FBXL17: variants seen among roughly 807,000 people sequenced by gnomAD.
FBXL17 encodes F-box and leucine rich repeat protein 17, also known as F-box/LRR-repeat protein 17.
FBXL17 carries 22 observed loss-of-function variants against 66.2 expected under a neutral mutation model. The ratio of observed to expected loss-of-function variants is 0.33; its 90% CI spans 0.24 to 0.47. FBXL17 has a LOEUF of 0.47. Ranked by LOEUF, FBXL17 falls within the 20% of genes least tolerant of loss-of-function variation. The pLI, the probability that FBXL17 is intolerant of heterozygous loss-of-function variation, is 1.00. For synonymous variants in FBXL17, 474 were observed against 400.5 expected (o/e 1.18, Z -2.19); for missense variants, 878 against 948.2 (o/e 0.93, Z 0.97).
In FBXL17 at chr5:108,246,841, AATC is replaced by A. The variant is rs554395592; in HGVS notation, c.1507-22616_1507-22614del. On this transcript the variant is annotated intron_variant, in intron 4 of 8. Coordinates refer to ENST00000542267, the MANE Select transcript of FBXL17 (RefSeq NM_001163315.3). ...TTTCAGAATTTCATTTAAGAAACAA[AATC>A]ATCAAGAAAAGCATATATTTGCTCA... 4.7e-4 allele frequency among the ~76,000 whole-genome samples: 72 copies of A among 152,362 alleles called. No homozygotes were observed. In the South Asian group the frequency reaches 0.015, roughly 31 times the overall value.
chr5:108,133,613 G>A (rs530271383), intron 6 of FBXL17, among the ~76,000 whole-genome samples: 1 of 151,958 alleles, frequency 6.6e-6, no homozygotes, highest in East Asian at 1.9e-4. Flanking sequence ...GAGATCTGCT[G>A]GAAGAGAGAA....
chr5:108,022,147 A>C (rs1448506378), intron 6 of FBXL17, among the ~76,000 whole-genome samples: 1 of 151,900 alleles, frequency 6.6e-6, no homozygotes, highest in African/African-American at 2.4e-5. Flanking sequence ...ATGGAATGAT[A>C]AACATTTCAA....
chr5:108,145,055 A>G (rs909997561), intron 6 of FBXL17, among the ~76,000 whole-genome samples: 23 of 152,164 alleles, frequency 1.5e-4, no homozygotes, highest in African/African-American at 5.5e-4. Context: ...AAGTAGAGAA[A>G]GCAGTTGCTT....
chr5:108,025,724 C>T (rs1365344277), intron 6 of FBXL17, among the ~76,000 whole-genome samples: 1 of 123,264 alleles, frequency 8.1e-6, no homozygotes, highest in Middle Eastern at 4.1e-3. Context: ...CACACGCGCG[C>T]GCGCACACAC....
At chr5:108,275,042 G>C (rs1757428820) in intron 4 of FBXL17, among the ~76,000 whole-genome samples, 1 of 152,156 alleles carries the variant, frequency 6.6e-6, no homozygotes, top group Non-Finnish European at 1.5e-5. Flanking sequence ...CCAAAACAGA[G>C]TTCCTTACCA....
At chr5:108,101,901 A>G (rs1232555824) in intron 6 of FBXL17, among the ~76,000 whole-genome samples, 1 of 152,240 alleles carries the variant, frequency 6.6e-6, no homozygotes, top group African/African-American at 2.4e-5. Flanking sequence ...CAAAAAGTTC[A>G]AAGTAGACAT....
At position 108,191,827 on chromosome 5, in the gene FBXL17, A is replaced by G. The variant is rs1415055516; in HGVS notation, c.1615-5580T>C. ...CACTCTTCCAGTGGAGCACAAATGT[A>G]TACATGAAGAAACAGGTTTACTTGA... On this transcript the variant is annotated intron_variant, in intron 5 of 8. Transcript: ENST00000542267. Among the ~76,000 whole-genome samples, 5 of 152,210 alleles carry G rather than the reference A, an allele frequency of 3.3e-5. 1 individual carries two copies. The highest frequency in any genetic ancestry group is 4.1e-4 in the South Asian group (2 of 4,834).
intron 8 of FBXL17, among the ~76,000 whole-genome samples, chr5:107,867,226 G>A (rs1315875657): frequency 3.3e-5 from 5 of 152,098 alleles, no homozygotes; most frequent in African/African-American, 1.2e-4. Context: ...TTTTCCATCT[G>A]ACATCACCAG....
intron 3 of FBXL17, among the ~76,000 whole-genome samples, chr5:108,349,193 A>C (rs1350606570): frequency 6.6e-6 from 1 of 152,330 alleles, no homozygotes; most frequent in African/African-American, 2.4e-5. Context: ...TTATACAACC[A>C]CTACAATTGG....
chr5:107,946,383 C>A (rs1250601390), intron 7 of FBXL17, among the ~76,000 whole-genome samples: 1 of 141,556 alleles, frequency 7.1e-6, no homozygotes, highest in Non-Finnish European at 1.5e-5. Flanking sequence ...CAGCTTCAAA[C>A]TCCTTGGCTT....
intron 6 of FBXL17, among the ~76,000 whole-genome samples, chr5:108,048,843 A>G (rs1747360959): frequency 6.6e-6 from 1 of 152,142 alleles, no homozygotes; most frequent in Non-Finnish European, 1.5e-5. Context: ...TGGAGTACCT[A>G]AAGGAGATGA....
intron 6 of FBXL17, among the ~76,000 whole-genome samples, chr5:108,087,219 T>A (rs1233711401): frequency 6.6e-6 from 1 of 152,204 alleles, no homozygotes. Flanking sequence ...ACTTGTAACA[T>A]AAAAGATCCA....
At chr5:108,114,272 GCTTACT>G (rs1209592802) in intron 6 of FBXL17, among the ~76,000 whole-genome samples, 2 of 152,026 alleles carry the variant, frequency 1.3e-5, no homozygotes, top group Non-Finnish European at 2.9e-5. Flanking sequence ...GTAACCATTT[GCTTACT>G]CTTAAAGTAC....
Position 108,247,257 on chromosome 5 carries a change from T to C in FBXL17, c.1507-23029A>G, listed in dbSNP as rs780002281. Reference sequence around the variant, plus strand: ...CATTTGGTTCTACATAAAACGAAGATAGAGGATACAAAAGGAGAGCCTTTC... The same window carrying C: ...CATTTGGTTCTACATAAAACGAAGACAGAGGATACAAAAGGAGAGCCTTTC... On this transcript the variant is annotated intron_variant, in intron 4 of 8. Coordinates refer to ENST00000542267, the MANE Select transcript of FBXL17 (RefSeq NM_001163315.3). Among the ~76,000 whole-genome samples, 22 of 151,776 alleles carry C rather than the reference T, an allele frequency of 1.4e-4. 1 individual carries two copies. Among genetic ancestry groups the C allele is most frequent in the Admixed American group, 9.2e-4 (14 of 15,258 alleles).
intron 5 of FBXL17, among the ~76,000 whole-genome samples, chr5:108,197,576 A>G (rs1423515422): frequency 1.3e-5 from 2 of 152,156 alleles, no homozygotes; most frequent in African/African-American, 4.8e-5. Flanking sequence ...TTAGCCCAAG[A>G]CGAAAGCTTA....
intron 6 of FBXL17, among the ~76,000 whole-genome samples, chr5:108,138,947 C>T (rs1259143730): frequency 2.6e-5 from 4 of 152,154 alleles, no homozygotes; most frequent in African/African-American, 9.7e-5. Context: ...TAAGAATTGC[C>T]TCAGATTTAG....
At chr5:108,126,625 C>CTG (rs1157961457) in intron 6 of FBXL17, among the ~76,000 whole-genome samples, 2 of 69,738 alleles carry the variant, frequency 2.9e-5, no homozygotes, top group Admixed American at 1.4e-4. Context: ...ATCTCTCTGT[C>CTG]TCTCTGTCTC....
intron 7 of FBXL17, among the ~76,000 whole-genome samples, chr5:107,945,036 T>A (rs1441489690): frequency 1.3e-5 from 2 of 151,416 alleles, no homozygotes; most frequent in East Asian, 3.8e-4. Flanking sequence ...AAGATTAGCA[T>A]CCAGACTGTC....
At chr5:107,908,160 T>C (rs907702154) in intron 7 of FBXL17, among the ~76,000 whole-genome samples, 7 of 152,078 alleles carry the variant, frequency 4.6e-5, no homozygotes, top group African/African-American at 1.7e-4. Flanking sequence ...ATGGATGAAA[T>C]TGGAAATCAT....
Sources: gnomAD v4.1 joint callset for allele counts (sites outside exome capture counted in the v4.1 genomes callset) on GRCh38, gnomAD v4.1.1 for gene constraint, MANE v1.5 for transcripts, NCBI Gene and HGNC (gene_info 2026-07-23, HGNC 2026-07-21) for gene names.